Variants in PKD2L2 observed in about 807,000 individuals in gnomAD.
The protein encoded by PKD2L2 is polycystin-2-like protein 2.
Under a neutral mutation model 83.9 loss-of-function variants are expected in PKD2L2, and 67 were observed. The ratio of observed to expected loss-of-function variants is 0.80; its 90% CI spans 0.66 to 0.98. PKD2L2 has a LOEUF of 0.98. Ranked by LOEUF, PKD2L2 falls within the 50% of genes least tolerant of loss-of-function variation. The pLI, the probability that PKD2L2 is intolerant of heterozygous loss-of-function variation, is 0.00. For synonymous variants in PKD2L2, 223 were observed against 237.8 expected (o/e 0.94, Z 0.57); for missense variants, 632 against 717.2 (o/e 0.88, Z 1.36).
chr5:137,930,533 T>TG (rs1454795496), intron 12 of PKD2L2, among the ~76,000 whole-genome samples: 1 of 151,674 alleles, frequency 6.6e-6, no homozygotes, highest in Non-Finnish European at 1.5e-5. Flanking sequence ...TAGCCGGGTG[T>TG]GGTGGCACAC....
chr5:137,892,728 T>C (rs1756097136), intron 3 of PKD2L2, 115 bp downstream of exon 3: 1 of 888,308 alleles, frequency 1.1e-6, no homozygotes, highest in African/African-American at 1.8e-5. Flanking sequence ...ATAAATGTCA[T>C]TTCTTTAAAC....
At chr5:137,939,913 T>A (rs1761139262) in intron 14 of PKD2L2, 1 of 1,326,536 alleles carries the variant, frequency 7.5e-7, no homozygotes, top group Non-Finnish European at 9.6e-7. Context: ...CCAAAGTTCT[T>A]GAAGTTGAAA....
At chr5:137,899,918 CCAGA>C (rs1221070719) in intron 5 of PKD2L2, among the ~76,000 whole-genome samples, 181 bp downstream of exon 5, 3 of 151,588 alleles carry the variant, frequency 2.0e-5, no homozygotes, top group Non-Finnish European at 4.4e-5. Flanking sequence ...GAAAAAACTC[CCAGA>C]CAAACCATGT....
rs775055494 is a variant in PKD2L2, at chr5:137,894,571, T to C, written c.486T>C (p.Asn162=). ...SECYGKYTSA[N]EDLSNFGLQI... is the part of the protein sequence containing the mutation. ...GTTATGGCAAATATACTTCTGCAAA[T>C]GAAGACCTCTCTAATTTTGGCCTTC... Residue 162 remains asparagine, a synonymous_variant, in exon 4 of 15, where the codon AAT becomes AAC. Transcript: ENST00000508883. 10 of 1,612,882 alleles carry C rather than the reference T, an allele frequency of 6.2e-6. No homozygotes were observed. The Admixed American group carries it at 8.3e-5, about 13-fold the overall frequency.
chr5:137,902,245 AG>A (rs1245245237), intron 5 of PKD2L2, among the ~76,000 whole-genome samples: 1 of 152,178 alleles, frequency 6.6e-6, no homozygotes. Flanking sequence ...CAGAAACTAA[AG>A]CAAAGGGTTG....
At chr5:137,916,812 T>A (rs1474678663) in intron 8 of PKD2L2, among the ~76,000 whole-genome samples, 1 of 152,044 alleles carries the variant, frequency 6.6e-6, no homozygotes, top group African/African-American at 2.4e-5. Context: ...TTTGAATATA[T>A]CATTGCACTG....
At chr5:137,915,278 T>C (rs1235116653) in intron 8 of PKD2L2, among the ~76,000 whole-genome samples, 1 of 152,204 alleles carries the variant, frequency 6.6e-6, no homozygotes, top group Non-Finnish European at 1.5e-5. Flanking sequence ...TTTGGAAGCA[T>C]TCCCTTCTCT....
intron 8 of PKD2L2, among the ~76,000 whole-genome samples, chr5:137,910,960 G>A (rs1185051350): frequency 6.6e-6 from 1 of 152,062 alleles, no homozygotes; most frequent in African/African-American, 2.4e-5. Context: ...TTTTTATGGT[G>A]ATAAAATATA....
intron 14 of PKD2L2, chr5:137,939,303 T>C (rs947166550): frequency 1.3e-5 from 2 of 152,660 alleles, no homozygotes; most frequent in African/African-American, 4.8e-5. Flanking sequence ...AGATTTACTT[T>C]AGGCATAATA....
chr5:137,892,751 C>T lies in PKD2L2; in HGVS notation c.267+138C>T, dbSNP rs554202795. 7.0e-6 allele frequency: 5 copies of T among 709,894 alleles called. No individual in the cohort carries two copies. The South Asian group carries it at 1.0e-4, about 15-fold the overall frequency. The allele number at this position is 709,894 out of a possible 1,614,324, so 44.0% of individuals were successfully genotyped here. ...CATTTCTTTAAACTATTAGAAACAA[C>T]CAACCAGTAAGTGTTTTTGAGAGCC... On this transcript the variant is annotated intron_variant, in intron 3 of 14. Coordinates refer to ENST00000508883, the MANE Select transcript of PKD2L2 (RefSeq NM_001300921.2).
At chr5:137,894,926 C>G (rs1284763851) in intron 4 of PKD2L2, among the ~76,000 whole-genome samples, 1 of 152,156 alleles carries the variant, frequency 6.6e-6, no homozygotes, top group East Asian at 1.9e-4. Flanking sequence ...CTGGCTGTGG[C>G]TAGATGCCCA....
intron 12 of PKD2L2, among the ~76,000 whole-genome samples, chr5:137,927,722 G>C (rs1759493065): frequency 6.6e-6 from 1 of 152,168 alleles, no homozygotes; most frequent in African/African-American, 2.4e-5. Flanking sequence ...TATTTGTATT[G>C]TTCTTGTAAC....
chr5:137,913,087 C>G (rs559006876), intron 8 of PKD2L2, among the ~76,000 whole-genome samples: 2 of 151,670 alleles, frequency 1.3e-5, no homozygotes, highest in South Asian at 2.1e-4. Context: ...GTTGGCCAGG[C>G]TGGTCTGGAA....
intron 14 of PKD2L2, among the ~76,000 whole-genome samples, chr5:137,940,847 T>A (rs1761512917): frequency 6.6e-6 from 1 of 152,128 alleles, no homozygotes; most frequent in Non-Finnish European, 1.5e-5. Flanking sequence ...ATAAGCAAAA[T>A]TTTCTCCCAA....
At chr5:137,909,658 C>G (rs1413380701) in intron 8 of PKD2L2, among the ~76,000 whole-genome samples, 2 of 151,230 alleles carry the variant, frequency 1.3e-5, no homozygotes, top group Admixed American at 1.3e-4. Context: ...AGTCCTCCCA[C>G]CTCAGCCTCC....
chr5:137,913,817 G>C (rs558063873), intron 8 of PKD2L2, among the ~76,000 whole-genome samples: 1 of 151,388 alleles, frequency 6.6e-6, no homozygotes, highest in Non-Finnish European at 1.5e-5. Context: ...CAAGTAACTG[G>C]GATTAAAGGC....
Position 137,907,929 on chromosome 5 carries a change from A to G in PKD2L2, c.1146+17A>G. ...TGGATAAAGGTATTTATATTTCATTATATTACATAATACAAGCAGTGTAAT... is the reference window on the plus strand; with the variant it reads ...TGGATAAAGGTATTTATATTTCATTGTATTACATAATACAAGCAGTGTAAT... On this transcript the variant is annotated intron_variant, in intron 7 of 14. Transcript: ENST00000508883. The G allele has an allele frequency of 9.3e-7, 1 of 1,076,562 alleles. No homozygotes were observed. The highest frequency in any genetic ancestry group is 2.5e-5 in the East Asian group (1 of 39,384). The allele number at this position is 1,076,562 out of a possible 1,614,324, so 66.7% of individuals were successfully genotyped here.
chr5:137,917,745 C>T (rs2150038462), intron 8 of PKD2L2, among the ~76,000 whole-genome samples: 1 of 152,266 alleles, frequency 6.6e-6, no homozygotes, highest in Non-Finnish European at 1.5e-5. Context: ...AGGTCACCAT[C>T]TGGTCTTTCT....
chr5:137,914,714 G>A (rs1758167639), intron 8 of PKD2L2, among the ~76,000 whole-genome samples: 1 of 152,156 alleles, frequency 6.6e-6, no homozygotes, highest in Non-Finnish European at 1.5e-5. Context: ...CTTGATCTTA[G>A]AAGAAAAGCT....
Sources: allele counts gnomAD v4.1 joint callset (sites outside exome capture counted in the v4.1 genomes callset), GRCh38; gene constraint gnomAD v4.1.1; transcripts MANE v1.5; gene names NCBI Gene and HGNC (gene_info 2026-07-23, HGNC 2026-07-21).